The following SHANK2 variants were observed in gnomAD, a reference collection of about 807,000 sequenced individuals.
SHANK2 encodes the protein SH3 and multiple ankyrin repeat domains 2.
A neutral mutation model predicts 133.7 loss-of-function variants in SHANK2; 43 were observed. The observed-to-expected ratio is 0.32, with a 90% CI of 0.25 to 0.41. SHANK2 has a LOEUF of 0.41. Ranked by LOEUF, SHANK2 falls within the 10% of genes least tolerant of loss-of-function variation. SHANK2 has a pLI of 1.00. For missense variants in SHANK2, 1,994 were observed against 2,235.8 expected, an observed-to-expected ratio of 0.89 and a Z score of 2.18; for synonymous variants, 1,017 against 952.8, an observed-to-expected ratio of 1.07 and a Z score of -1.24.
intron 17 of SHANK2, among the ~76,000 whole-genome samples, chr11:70,646,829 T>TTTATTTATTTTATTTATTTA (rs1491262147): frequency 6.1e-5 from 5 of 81,906 alleles, no homozygotes; most frequent in Admixed American, 1.2e-4. Context: ...CTTTTATTTA[T>TTTATTTATTTTATTTATTTA]TTTATTTATT....
chr11:70,713,712 G>A (rs1433380928), intron 14 of SHANK2, among the ~76,000 whole-genome samples: 1 of 152,198 alleles, frequency 6.6e-6, no homozygotes, highest in South Asian at 2.1e-4. Context: ...TCACAGCGCC[G>A]GGTGTCCATT....
At chr11:71,168,611 T>A (rs1158964120) in intron 2 of SHANK2, among the ~76,000 whole-genome samples, 1 of 152,120 alleles carries the variant, frequency 6.6e-6, no homozygotes, top group Admixed American at 6.5e-5. Context: ...TCACTCGCAG[T>A]TAGGAGCTGG....
At chr11:71,243,510 C>T (rs781862974) in intron 1 of SHANK2, among the ~76,000 whole-genome samples, 13 of 152,000 alleles carry the variant, frequency 8.6e-5, no homozygotes, top group Non-Finnish European at 1.3e-4. Flanking sequence ...CTGGCTAGCA[C>T]GGTGAAACCC....
intron 17 of SHANK2, among the ~76,000 whole-genome samples, chr11:70,623,569 AG>A (rs1185062693): frequency 6.6e-6 from 1 of 152,228 alleles, no homozygotes; most frequent in African/African-American, 2.4e-5. Context: ...GGAAGGAGAG[AG>A]GGGACTGGAA....
intron 17 of SHANK2, among the ~76,000 whole-genome samples, chr11:70,590,936 G>A (rs1175712309): frequency 1.3e-5 from 2 of 152,144 alleles, no homozygotes; most frequent in Non-Finnish European, 2.9e-5. Context: ...TTTCATGCCT[G>A]GCAGATTCAT....
intron 25 of SHANK2, among the ~76,000 whole-genome samples, chr11:70,478,826 T>G (rs1555150786): frequency 2.6e-5 from 4 of 152,114 alleles, no homozygotes. Context: ...GATCAGAAAG[T>G]TAAGTGACTT....
intron 10 of SHANK2, among the ~76,000 whole-genome samples, chr11:70,946,936 C>G (rs1950752827): frequency 6.8e-6 from 1 of 147,892 alleles, no homozygotes; most frequent in Non-Finnish European, 1.5e-5. Flanking sequence ...TCCCTCTCCA[C>G]TAACCAACTC....
chr11:71,138,785 T>A, intron 3 of SHANK2, among the ~76,000 whole-genome samples: 3 of 119,986 alleles, frequency 2.5e-5, no homozygotes, highest in Non-Finnish European at 1.7e-5. Context: ...AGCAAGACCC[T>A]ATCTCAAAAA....
intron 3 of SHANK2, among the ~76,000 whole-genome samples, chr11:71,140,531 G>A (rs868983237): frequency 5.3e-5 from 8 of 152,232 alleles, no homozygotes; most frequent in African/African-American, 7.2e-5. Context: ...CCCCAGTGCC[G>A]ATGGAGGACC....
chr11:70,783,198 C>G (rs1404158591), intron 14 of SHANK2, among the ~76,000 whole-genome samples: 2 of 152,122 alleles, frequency 1.3e-5, no homozygotes, highest in African/African-American at 4.8e-5. Flanking sequence ...TTTAGCCCTC[C>G]AGATCTCAGT....
intron 15 of SHANK2, among the ~76,000 whole-genome samples, chr11:70,692,923 T>C (rs370265135): frequency 2.6e-5 from 4 of 152,304 alleles, no homozygotes; most frequent in East Asian, 1.9e-4. Context: ...TCTTAAACCT[T>C]TTCCTTGAGT....
chr11:71,113,344 C>A lies in SHANK2; in HGVS notation c.432G>T (p.Val144=), dbSNP rs1178624034. The A allele has an allele frequency of 1.9e-6, 3 of 1,551,714 alleles. No individual in the cohort carries two copies. Among genetic ancestry groups the A allele is most frequent in the Non-Finnish European group, 1.7e-6 (2 of 1,146,994 alleles). ...TCTCATCGAGACTGGCTTGTTTATA[C>A]ACCCGCTTCTTGTATCGAAACTGGC... ...PSLEFRYKKR[V]YKQASLDEKQ... Residue 144 remains valine, a synonymous_variant, in exon 5 of 26, where the codon GTG becomes GTT. Coordinates refer to ENST00000601538, the MANE Select transcript of SHANK2 (RefSeq NM_012309.5).
rs782750145 is a variant in SHANK2 at position 70,569,885 on chromosome 11, G to A, written c.2062-66954C>T. Among the ~76,000 whole-genome samples, 7 of 152,090 alleles carry A rather than the reference G, an allele frequency of 4.6e-5. No homozygotes were observed. The highest frequency in any genetic ancestry group is 1.7e-4 in the African/African-American group (7 of 41,408). Reference sequence around the variant, plus strand: ...CAGGAGGTCAGTACGAGGAGACGGGGACGACGGTACAGAGCAAGACAGAGA... The same window carrying A: ...CAGGAGGTCAGTACGAGGAGACGGGAACGACGGTACAGAGCAAGACAGAGA... On this transcript the variant is annotated intron_variant, in intron 17 of 25. Coordinates refer to ENST00000601538, the MANE Select transcript of SHANK2 (RefSeq NM_012309.5). The surrounding 1 kb of genome is among the most constrained non-coding windows in gnomAD (Gnocchi z 5.1).
chr11:70,858,024 T>C (rs782731170), intron 11 of SHANK2, among the ~76,000 whole-genome samples: 13 of 152,136 alleles, frequency 8.5e-5, no homozygotes, highest in Non-Finnish European at 1.8e-4. Context: ...AAGACACCAT[T>C]TGGAGAGGGA....
At chr11:70,754,950 A>G (rs782681216) in intron 14 of SHANK2, among the ~76,000 whole-genome samples, 3 of 152,246 alleles carry the variant, frequency 2.0e-5, no homozygotes, top group Admixed American at 6.5e-5. Flanking sequence ...AGAAGATACT[A>G]ATACAGCAAT....
chr11:70,648,317 G>A (rs1371641677), intron 17 of SHANK2, among the ~76,000 whole-genome samples: 1 of 151,526 alleles, frequency 6.6e-6, no homozygotes, highest in African/African-American at 2.4e-5. Flanking sequence ...CAATAAAAAA[G>A]ACATACCCAA....
intron 14 of SHANK2, among the ~76,000 whole-genome samples, chr11:70,792,386 G>A (rs1054450402): frequency 1.4e-4 from 18 of 128,408 alleles, no homozygotes; most frequent in African/African-American, 5.7e-4. Flanking sequence ...CAACCAACCA[G>A]CCAACCAGCC....
chr11:70,619,471 G>A (rs1280735610), intron 17 of SHANK2, among the ~76,000 whole-genome samples: 6 of 152,120 alleles, frequency 3.9e-5, no homozygotes, highest in Non-Finnish European at 8.8e-5. Context: ...CCCTTATAAG[G>A]ACGCCTGTGG....
At chr11:70,839,700 T>A (rs1487288206) in intron 11 of SHANK2, among the ~76,000 whole-genome samples, 2 of 152,154 alleles carry the variant, frequency 1.3e-5, no homozygotes, top group Non-Finnish European at 2.9e-5. Flanking sequence ...GGTCCCTTTT[T>A]AGATCGAGGT....
Sources: allele counts gnomAD v4.1 joint callset (sites outside exome capture counted in the v4.1 genomes callset), GRCh38; gene constraint gnomAD v4.1.1; non-coding constraint Gnocchi (gnomAD v3.1); transcripts MANE v1.5; gene names NCBI Gene and HGNC (gene_info 2026-07-23, HGNC 2026-07-21).